SLCO6A1: variants seen among roughly 807,000 people sequenced by gnomAD.
The protein encoded by SLCO6A1 is solute carrier organic anion transporter family member 6A1.
A neutral mutation model predicts 72.7 loss-of-function variants in SLCO6A1; 65 were observed. The ratio of observed to expected loss-of-function variants is 0.89; its 90% confidence interval spans 0.73 to 1.10. The LOEUF (loss-of-function observed/expected upper bound fraction) is 1.10. SLCO6A1 is among the 50% of genes least tolerant of loss of function. The pLI is 0.00. For synonymous variants in SLCO6A1, 314 were observed against 298.2 expected (o/e 1.05, Z -0.55); for missense variants, 874 against 872.6 (o/e 1.00, Z -0.02).
chr5:102,486,379 C>T (rs1444032837), intron 1 of SLCO6A1, among the ~76,000 whole-genome samples: 1 of 152,024 alleles, frequency 6.6e-6, no homozygotes, highest in African/African-American at 2.4e-5. Context: ...TAAAATTCAA[C>T]AAAAGCTTCT....
intron 12 of SLCO6A1, among the ~76,000 whole-genome samples, chr5:102,383,074 T>G: frequency 1.4e-5 from 1 of 71,666 alleles, no homozygotes; most frequent in African/African-American, 5.3e-5. Context: ...AAACTATATA[T>G]AGTGTATGTA....
intron 6 of SLCO6A1, among the ~76,000 whole-genome samples, chr5:102,440,861 G>A (rs2112687744): frequency 6.6e-6 from 1 of 152,302 alleles, no homozygotes; most frequent in African/African-American, 2.4e-5. Context: ...GTACCACAAT[G>A]CTTTGTTTCC....
chr5:102,418,617 A>G (rs1038903310), intron 8 of SLCO6A1, among the ~76,000 whole-genome samples: 4 of 152,188 alleles, frequency 2.6e-5, no homozygotes, highest in African/African-American at 9.6e-5. Flanking sequence ...TCTCTCTATG[A>G]CACAGCTTGT....
chr5:102,425,299 G>T (rs896401081), intron 7 of SLCO6A1, among the ~76,000 whole-genome samples: 2 of 152,068 alleles, frequency 1.3e-5, no homozygotes, highest in African/African-American at 4.8e-5. Context: ...GAAATAAAGC[G>T]TATTCAAATA....
intron 8 of SLCO6A1, among the ~76,000 whole-genome samples, chr5:102,419,412 G>T (rs1395116259): frequency 6.6e-6 from 1 of 152,126 alleles, no homozygotes; most frequent in African/African-American, 2.4e-5. Flanking sequence ...TAGCTTAAAT[G>T]AGATATTACC....
chr5:102,429,595 T>C (rs189757826), intron 7 of SLCO6A1, among the ~76,000 whole-genome samples: 3 of 152,270 alleles, frequency 2.0e-5, no homozygotes, highest in African/African-American at 7.2e-5. Context: ...GTCAGGTTTG[T>C]TGAAGATCAG....
At chr5:102,373,282 T>C (rs1185861831) in intron 13 of SLCO6A1, 55 bp downstream of exon 13, 2 of 1,142,962 alleles carry the variant, frequency 1.7e-6, no homozygotes, top group African/African-American at 3.3e-5. Flanking sequence ...ATTATTACTT[T>C]AAATTTTATT....
chr5:102,379,065 G>A (rs1380290794), intron 12 of SLCO6A1, among the ~76,000 whole-genome samples: 4 of 152,258 alleles, frequency 2.6e-5, no homozygotes, highest in East Asian at 3.9e-4. Context: ...ACAGGCATGA[G>A]CAACTGCACC....
In SLCO6A1 at chr5:102,391,308, T is replaced by G. The variant is rs548313258; in HGVS notation, c.1815-263A>C. The G allele has an allele frequency of 2.2e-4, 92 of 411,254 alleles. No individual in the cohort carries two copies. In the South Asian group the frequency reaches 3.5e-3, roughly 16 times the overall value. The allele number at this position is 411,254 out of a possible 1,614,324, so 25.5% of individuals were successfully genotyped here. The stretch of plus-strand genomic sequence containing the variant: ...TATGGCCCAAATCCTCTTCCCCAGC[T>G]CCCATTCCTTTGCTGGAAAGACTTA... On this transcript the variant is annotated intron_variant, in intron 10 of 13. Transcript: ENST00000506729.
intron 6 of SLCO6A1, among the ~76,000 whole-genome samples, chr5:102,456,380 C>T (rs1750717156): frequency 6.6e-6 from 1 of 152,142 alleles, no homozygotes; most frequent in Non-Finnish European, 1.5e-5. Context: ...CCAAAATCTC[C>T]TTAAGCTGAT....
intron 4 of SLCO6A1, among the ~76,000 whole-genome samples, chr5:102,461,856 G>A (rs570954843): frequency 6.6e-6 from 1 of 152,046 alleles, no homozygotes; most frequent in East Asian, 1.9e-4. Flanking sequence ...TAGAGCATAA[G>A]AACTTCTTGT....
chr5:102,484,100 C>T (rs1332051010), intron 1 of SLCO6A1, among the ~76,000 whole-genome samples: 1 of 152,176 alleles, frequency 6.6e-6, no homozygotes, highest in Non-Finnish European at 1.5e-5. Context: ...TCAATTGCAG[C>T]AGCTATTTTG....
In SLCO6A1 at chr5:102,480,354, A is replaced by G. The variant is rs199679766; in HGVS notation, c.439T>C (p.Leu147=). 2.9e-5 allele frequency: 47 copies of G among 1,613,660 alleles called. No individual in the cohort carries two copies. Among genetic ancestry groups the G allele is most frequent in the East Asian group, 2.5e-4 (11 of 44,796 alleles). ...YQLKTIEKLA[L]EKSYDISSGL... is the part of the protein sequence containing the mutation. ...GATGAAATATCGTAACTCTTTTCCA[A>G]TGCCAACTTCTCAATGGTTTTCAGT... is the stretch of plus-strand genomic sequence containing the variant. The change falls in exon 2 of 14, where the codon TTG becomes CTG. Residue 147 remains leucine (L), a synonymous_variant. Transcript: ENST00000506729.
intron 6 of SLCO6A1, among the ~76,000 whole-genome samples, chr5:102,439,700 G>A (rs1212538258): frequency 1.3e-5 from 2 of 152,078 alleles, no homozygotes; most frequent in South Asian, 4.1e-4. Flanking sequence ...CAGTGATAGA[G>A]TGTCTCTAGA....
chr5:102,495,470 C>G lies in SLCO6A1; in HGVS notation c.358+3017G>C, dbSNP rs575164468. Among the ~76,000 whole-genome samples the G allele has an allele frequency of 1.6e-3, 251 of 152,164 alleles. 2 individuals carry two copies. The highest frequency in any genetic ancestry group is 5.7e-3 in the African/African-American group (237 of 41,506). On this transcript the variant is annotated intron_variant, in intron 1 of 13. Coordinates refer to ENST00000506729, the MANE Select transcript of SLCO6A1 (RefSeq NM_173488.5). ...TTTAGCCTGGCACTGTGGCGGGCAC[C>G]TGTAATCCCTACTACTTGGGAGGCT...
intron 3 of SLCO6A1, 141 bp downstream of exon 3, chr5:102,477,535 T>C (rs1030538015): frequency 1.6e-6 from 1 of 631,312 alleles, no homozygotes; most frequent in South Asian, 3.1e-5. Flanking sequence ...CAATGTGATT[T>C]GGAGGTTTAG....
chr5:102,463,520 AT>A (rs1751151074), intron 4 of SLCO6A1, among the ~76,000 whole-genome samples: 1 of 152,240 alleles, frequency 6.6e-6, no homozygotes, highest in Non-Finnish European at 1.5e-5. Flanking sequence ...ACCAGACTAA[AT>A]GCCCATCAAC....
chr5:102,421,078 T>C (rs1580393640), intron 7 of SLCO6A1, among the ~76,000 whole-genome samples: 1 of 152,142 alleles, frequency 6.6e-6, no homozygotes, highest in East Asian at 1.9e-4. Flanking sequence ...GGGACGGTGC[T>C]ATCCGGCCCA....
At chr5:102,435,008 A>G (rs1749450949) in intron 7 of SLCO6A1, among the ~76,000 whole-genome samples, 1 of 152,194 alleles carries the variant, frequency 6.6e-6, no homozygotes, top group African/African-American at 2.4e-5. Context: ...TCTTGTTTAA[A>G]CAAAATAGCC....
Sources: allele counts gnomAD v4.1 joint callset (sites outside exome capture counted in the v4.1 genomes callset), GRCh38; gene constraint gnomAD v4.1.1; transcripts MANE v1.5; gene names NCBI Gene and HGNC (gene_info 2026-07-23, HGNC 2026-07-21).